The following SENP2 variants were observed in gnomAD, a reference collection of about 807,000 sequenced individuals.
SENP2 encodes the protein sentrin-specific protease 2.
SENP2 carries 16 observed loss-of-function variants against 86.3 expected under a neutral mutation model. The ratio of observed to expected loss-of-function variants is 0.19; its 90% CI spans 0.13 to 0.28. The LOEUF (loss-of-function observed/expected upper bound fraction) is 0.28. Ranked by LOEUF, SENP2 falls within the 10% of genes least tolerant of loss-of-function variation. The probability of loss-of-function intolerance (pLI) is 1.00; values close to 1 mark genes in which losing one functional copy is unlikely to be tolerated. For missense variants in SENP2, 552 were observed against 703.0 expected, an observed-to-expected ratio of 0.79 and a Z score of 2.43; for synonymous variants, 222 against 238.7, an observed-to-expected ratio of 0.93 and a Z score of 0.64.
intron 15 of SENP2, 120 bp downstream of exon 15, chr3:185,624,202 T>C: frequency 1.6e-6 from 1 of 609,536 alleles, no homozygotes; most frequent in Non-Finnish European, 2.8e-6. Flanking sequence ...TACACATCTT[T>C]TTTTTTCTTT....
rs1360976533 is a variant in SENP2, at chr3:185,600,825, A to G, written c.419A>G (p.Asp140Gly). 1.9e-6 allele frequency: 3 copies of G among 1,612,252 alleles called. No homozygotes were observed. The highest frequency in any genetic ancestry group is 2.5e-6 in the Non-Finnish European group (3 of 1,178,416). Residue 140 changes from aspartate to glycine, a missense_variant, in exon 5 of 17, where the codon GAT becomes GGT. Physicochemically the swap from Asp to Gly is moderately conservative, Grantham distance 94. Coordinates refer to ENST00000296257, the MANE Select transcript of SENP2 (RefSeq NM_021627.3). ...YPKIRVTVTR[D>G]QPRRVLPSFG... ...AAGATCAGAGTGACAGTTACCCGAG[A>G]TCAGCCACGCAGAGTCCTGCCTTCC...
chr3:185,590,971 C>G (rs1721975689), intron 2 of SENP2, among the ~76,000 whole-genome samples: 1 of 107,850 alleles, frequency 9.3e-6, no homozygotes, highest in African/African-American at 3.7e-5. Flanking sequence ...GTGGCGCAAT[C>G]TCGGCTCACT....
At chr3:185,592,215 A>C (rs551419022) in intron 2 of SENP2, among the ~76,000 whole-genome samples, 1 of 151,418 alleles carries the variant, frequency 6.6e-6, no homozygotes, top group South Asian at 2.1e-4. Context: ...AGTAGCTGGG[A>C]CTATAGGCCC....
At chr3:185,612,955 C>T (rs765192759) in intron 9 of SENP2, among the ~76,000 whole-genome samples, 4 of 152,206 alleles carry the variant, frequency 2.6e-5, no homozygotes, top group Non-Finnish European at 4.4e-5. Context: ...AGGATAGGAA[C>T]AGTAAAGGCA....
chr3:185,593,853 C>T (rs1196024637), intron 2 of SENP2, among the ~76,000 whole-genome samples: 2 of 151,580 alleles, frequency 1.3e-5, no homozygotes, highest in Admixed American at 6.6e-5. Context: ...CTCAGCCTCC[C>T]GAGTAGCTGG....
intron 2 of SENP2, among the ~76,000 whole-genome samples, chr3:185,595,966 A>T (rs565313959): frequency 8.6e-5 from 13 of 151,692 alleles, no homozygotes; most frequent in African/African-American, 3.1e-4. Context: ...AGGCCCAGCT[A>T]ATTTATTTAT....
chr3:185,618,762 C>T (rs763456663), intron 12 of SENP2, among the ~76,000 whole-genome samples: 2 of 152,054 alleles, frequency 1.3e-5, no homozygotes, highest in East Asian at 3.9e-4. Context: ...ACCTGTAGTC[C>T]CAGCTACTCG....
intron 5 of SENP2, among the ~76,000 whole-genome samples, chr3:185,601,898 A>C (rs571985278): frequency 6.6e-6 from 1 of 152,158 alleles, no homozygotes; most frequent in African/African-American, 2.4e-5. Context: ...TCAGCCTCTC[A>C]AAGTGCTGGG....
intron 5 of SENP2, among the ~76,000 whole-genome samples, chr3:185,605,631 A>G (rs1722488417): frequency 6.7e-6 from 1 of 148,282 alleles, no homozygotes; most frequent in Non-Finnish European, 1.5e-5. Context: ...ATTTTGTCTG[A>G]TATTTACTGA....
intron 4 of SENP2, 28 bp from the exon 5 acceptor site, chr3:185,600,737 T>C (rs1291354497): frequency 6.9e-7 from 1 of 1,447,842 alleles, no homozygotes; most frequent in Non-Finnish European, 9.7e-7. Context: ...TTTTTCATTT[T>C]ACAATTACAA....
chr3:185,603,818 A>G (rs866815552), intron 5 of SENP2, among the ~76,000 whole-genome samples: 1 of 152,186 alleles, frequency 6.6e-6, no homozygotes, highest in African/African-American at 2.4e-5. Context: ...TTTCATTTTC[A>G]TTCAATTTAA....
intron 16 of SENP2, among the ~76,000 whole-genome samples, chr3:185,629,168 A>G (rs1712297321): frequency 1.3e-5 from 2 of 152,266 alleles, no homozygotes; most frequent in Non-Finnish European, 1.5e-5. Context: ...GAAAATTCAT[A>G]TAAGTAGAAA....
At position 185,631,125 on chromosome 3, in the gene SENP2, C is replaced by A. The variant is rs1204598818; in HGVS notation, c.*1281C>A. ...AAGTATATGCTGAAATGATTTCTAACCCTCTCCCTACTTAAACCTCCCAGA... is the reference window on the plus strand; with the variant it reads ...AAGTATATGCTGAAATGATTTCTAAACCTCTCCCTACTTAAACCTCCCAGA... On this transcript the variant is annotated 3_prime_UTR_variant, in exon 17 of 17. Coordinates refer to ENST00000296257, the MANE Select transcript of SENP2 (RefSeq NM_021627.3). 1 of 152,102 alleles carries A rather than the reference C, an allele frequency of 6.6e-6. No individual in the cohort carries two copies. Among genetic ancestry groups the A allele is most frequent in the Non-Finnish European group, 1.5e-5 (1 of 68,032 alleles). 9.4% of individuals were successfully genotyped at this position (152,102 alleles called of 1,614,324 possible).
rs1220771289 is a variant in SENP2 at position 185,621,386 on chromosome 3, CTTTTTTTTTTTTT to C, written c.1447-429_1447-417del. Among the ~76,000 whole-genome samples, 210 of 78,774 alleles carry C rather than the reference CTTTTTTTTTTTTT, an allele frequency of 2.7e-3. 3 individuals carry two copies. The highest frequency in any genetic ancestry group is 0.018 in the East Asian group (44 of 2,498). 51.7% of individuals were successfully genotyped at this position (78,774 alleles called of 152,430 possible). ...AGTGGATATCGTTTTTCTTTTTTTT[CTTTTTTTTTTTTT>C]TTTTTTTTTTGAGACAGAGTCTCGC... On this transcript the variant is annotated intron_variant, in intron 13 of 16. Coordinates refer to ENST00000296257, the MANE Select transcript of SENP2 (RefSeq NM_021627.3).
chr3:185,618,391 A>C (rs1711701855), intron 12 of SENP2, among the ~76,000 whole-genome samples: 2 of 152,146 alleles, frequency 1.3e-5, no homozygotes, highest in Admixed American at 6.5e-5. Context: ...GTTCTTTGAC[A>C]ATTTTCTGGT....
chr3:185,612,566 G>A (rs778538646), intron 8 of SENP2, 41 bp from the exon 9 acceptor site: 51 of 1,403,718 alleles, frequency 3.6e-5, no homozygotes, highest in Non-Finnish European at 4.9e-5. Flanking sequence ...ATTATTCATC[G>A]ATGAAGGAAA....
intron 2 of SENP2, among the ~76,000 whole-genome samples, chr3:185,591,587 G>A (rs568757419): frequency 2.0e-5 from 3 of 152,058 alleles, no homozygotes; most frequent in Non-Finnish European, 2.9e-5. Context: ...TCCTGACTTC[G>A]TGATCCACCT....
intron 2 of SENP2, among the ~76,000 whole-genome samples, chr3:185,592,034 T>TTTTTTTTTTTTTTTTA (rs1722024459): frequency 8.7e-6 from 1 of 114,586 alleles, no homozygotes; most frequent in Non-Finnish European, 1.8e-5. Context: ...TTTTTTTTTT[T>TTTTTTTTTTTTTTTTA]GAGACAGGAT....
At chr3:185,629,625 T>C (rs927236062) in intron 16 of SENP2, among the ~76,000 whole-genome samples, 157 bp from the exon 17 acceptor site, 2 of 151,688 alleles carry the variant, frequency 1.3e-5, no homozygotes, top group African/African-American at 4.8e-5. Flanking sequence ...TTATGAACTG[T>C]TAAAAATGGT....
Sources: allele counts gnomAD v4.1 joint callset (sites outside exome capture counted in the v4.1 genomes callset), GRCh38; gene constraint gnomAD v4.1.1; transcripts MANE v1.5; gene names NCBI Gene and HGNC (gene_info 2026-07-23, HGNC 2026-07-21).